GALNT13: variants seen among roughly 807,000 people sequenced by gnomAD.
The protein encoded by GALNT13 is UDP-GalNAc:polypeptide N-acetylgalactosaminyltransferase 13.
In GALNT13, 28 loss-of-function variants were observed where a neutral mutation model predicts 64.2. The observed-to-expected ratio is 0.44, with a 90% CI of 0.32 to 0.60. GALNT13 has a LOEUF of 0.60. Among genes scored for constraint, GALNT13 ranks in the 20% least tolerant of loss-of-function variants. The probability of loss-of-function intolerance (pLI) is 0.05; values close to 1 mark genes in which losing one functional copy is unlikely to be tolerated. For synonymous variants in GALNT13, 214 were observed against 224.6 expected, an observed-to-expected ratio of 0.95 and a Z score of 0.42; for missense variants, 577 against 669.8, an observed-to-expected ratio of 0.86 and a Z score of 1.53.
the GALNT13 span, among the ~76,000 whole-genome samples, chr2:153,773,195 T>G: frequency 6.6e-6 from 1 of 152,194 alleles, no homozygotes; most frequent in Non-Finnish European, 1.5e-5. Flanking sequence ...GCCCTGAAAC[T>G]AGGCAGAGTC....
chr2:153,602,165 C>T, the GALNT13 span, among the ~76,000 whole-genome samples: 1 of 151,836 alleles, frequency 6.6e-6, no homozygotes, highest in Non-Finnish European at 1.5e-5. Context: ...GAAGAGTTCA[C>T]ATGGATCATG....
At chr2:153,706,842 C>T in the GALNT13 span, among the ~76,000 whole-genome samples, 1 of 152,288 alleles carries the variant, frequency 6.6e-6, no homozygotes, top group East Asian at 1.9e-4. Flanking sequence ...ACTACCTAGA[C>T]TTTCTGAATT....
At chr2:153,936,580 T>C (rs1228662879) in intron 2 of GALNT13, among the ~76,000 whole-genome samples, 2 of 152,168 alleles carry the variant, frequency 1.3e-5, no homozygotes, top group Admixed American at 6.5e-5. Context: ...CAGAGAGCCA[T>C]AAATATTCTT....
At chr2:153,333,156 C>T in the GALNT13 span, among the ~76,000 whole-genome samples, 1 of 152,206 alleles carries the variant, frequency 6.6e-6, no homozygotes, top group Non-Finnish European at 1.5e-5. Context: ...CTGTATGCAC[C>T]TACCATAAAA....
At chr2:154,195,773 T>C (rs1216251948) in intron 4 of GALNT13, among the ~76,000 whole-genome samples, 3 of 152,078 alleles carry the variant, frequency 2.0e-5, no homozygotes, top group Non-Finnish European at 4.4e-5. Context: ...TTTCAAACAA[T>C]TGGATAGTGA....
chr2:153,884,943 G>A (rs1180960663), intron 1 of GALNT13, among the ~76,000 whole-genome samples: 2 of 147,136 alleles, frequency 1.4e-5, no homozygotes, highest in East Asian at 4.0e-4. Flanking sequence ...GGAGGCTGAA[G>A]GAAGAGAATC....
At chr2:153,963,467 A>C (rs1028571636) in intron 3 of GALNT13, among the ~76,000 whole-genome samples, 2 of 152,288 alleles carry the variant, frequency 1.3e-5, no homozygotes, top group South Asian at 4.1e-4. Context: ...TCATATGCCA[A>C]GTGTATGTTT....
chr2:154,062,436 TA>T (rs1212719346), intron 3 of GALNT13, among the ~76,000 whole-genome samples: 1 of 152,184 alleles, frequency 6.6e-6, no homozygotes, highest in East Asian at 1.9e-4. Context: ...CTCACTCTGC[TA>T]AAAAGAACTA....
At chr2:153,676,713 A>G in the GALNT13 span, among the ~76,000 whole-genome samples, 1 of 152,098 alleles carries the variant, frequency 6.6e-6, no homozygotes, top group African/African-American at 2.4e-5. Context: ...GGATGCAAGG[A>G]TGGTTCAACA....
At chr2:153,697,775 G>A in the GALNT13 span, among the ~76,000 whole-genome samples, 2 of 152,276 alleles carry the variant, frequency 1.3e-5, no homozygotes, top group Non-Finnish European at 2.9e-5. Flanking sequence ...ACATGCGAAT[G>A]TACTGGAGAG....
At chr2:153,104,603 T>C in the GALNT13 span, among the ~76,000 whole-genome samples, 20 of 152,148 alleles carry the variant, frequency 1.3e-4, no homozygotes, top group Non-Finnish European at 2.5e-4. Context: ...TTCTTACATA[T>C]ATGTAGTTTC....
At chr2:153,830,234 C>T in the GALNT13 span, among the ~76,000 whole-genome samples, 2 of 152,062 alleles carry the variant, frequency 1.3e-5, no homozygotes, top group African/African-American at 4.8e-5. Flanking sequence ...AATATTTCAT[C>T]ACATGGCACT....
chr2:153,840,748 C>T, the GALNT13 span, among the ~76,000 whole-genome samples: 6 of 152,010 alleles, frequency 3.9e-5, no homozygotes, highest in Non-Finnish European at 7.4e-5. Context: ...CTAGAATGAC[C>T]CTGGAGGGAG....
At chr2:153,937,899 G>A (rs375761811) in intron 2 of GALNT13, among the ~76,000 whole-genome samples, 33 of 152,286 alleles carry the variant, frequency 2.2e-4, no homozygotes, top group East Asian at 1.2e-3. Context: ...AGGTTTCCAC[G>A]TAGTGGCAGG....
the GALNT13 span, among the ~76,000 whole-genome samples, chr2:153,540,018 G>A: frequency 6.6e-6 from 1 of 152,250 alleles, no homozygotes; most frequent in East Asian, 1.9e-4. Context: ...GTAATGAGGA[G>A]CCAAATGTTA....
chr2:154,246,905 T>C (rs1303899431), intron 7 of GALNT13, among the ~76,000 whole-genome samples: 1 of 152,076 alleles, frequency 6.6e-6, no homozygotes. Flanking sequence ...ACCTTTTGTT[T>C]GTCATTTCAC....
the GALNT13 span, among the ~76,000 whole-genome samples, chr2:153,582,730 A>G: frequency 1.3e-5 from 2 of 152,122 alleles, no homozygotes; most frequent in African/African-American, 4.8e-5. Flanking sequence ...AAAGAGTCGG[A>G]TCTGTTATAC....
chr2:153,280,443 C>A, the GALNT13 span, among the ~76,000 whole-genome samples: 1 of 151,970 alleles, frequency 6.6e-6, no homozygotes, highest in Non-Finnish European at 1.5e-5. Context: ...TCTAGTTACT[C>A]TAAGGGTACC....
intron 4 of GALNT13, among the ~76,000 whole-genome samples, chr2:154,203,677 A>G (rs1274628094): frequency 6.6e-6 from 1 of 152,052 alleles, no homozygotes; most frequent in East Asian, 1.9e-4. Context: ...GGTGCTTTGG[A>G]GAAAATTCCA....
Sources: allele counts gnomAD v4.1 joint callset (sites outside exome capture counted in the v4.1 genomes callset), GRCh38; gene constraint gnomAD v4.1.1; transcripts MANE v1.5; gene names NCBI Gene and HGNC (gene_info 2026-07-23, HGNC 2026-07-21).